WDR62: variants seen among roughly 807,000 people sequenced by gnomAD.
The protein encoded by WDR62 is WD repeat-containing protein 62.
Under a neutral mutation model 160.6 loss-of-function variants are expected in WDR62, and 112 were observed. The ratio of observed to expected loss-of-function variants is 0.70; its 90% confidence interval spans 0.60 to 0.82. The LOEUF is 0.82. Among genes scored for constraint, WDR62 ranks in the 40% least tolerant of loss-of-function variants. The pLI, the probability that WDR62 is intolerant of heterozygous loss-of-function variation, is 0.00. For missense variants in WDR62, 1,819 were observed against 1,983.8 expected (o/e 0.92, Z 1.58); for synonymous variants, 792 against 815.1 (o/e 0.97, Z 0.48).
chr19:36,066,541 G>A, intron 5 of WDR62, 114 bp downstream of exon 5: 1 of 1,198,078 alleles, frequency 8.3e-7, no homozygotes, highest in Non-Finnish European at 1.2e-6. Flanking sequence ...TCACCCAACA[G>A]ATAACAGCTA....
chr19:36,085,414 C>CTTGTTTTTTTTTTTT (rs1972153929), intron 12 of WDR62, among the ~76,000 whole-genome samples: 1 of 70,402 alleles, frequency 1.4e-5, no homozygotes, highest in Non-Finnish European at 2.8e-5. Context: ...CACACCTGAC[C>CTTGTTTTTTTTTTTT]TTTTTTTTTT....
rs534093081 is a variant in WDR62, at chr19:36,077,344, G to T, written c.1233+3813G>T. On this transcript the variant is annotated intron_variant, in intron 9 of 31. Coordinates refer to ENST00000401500, the MANE Select transcript of WDR62 (RefSeq NM_001083961.2). ...CCAGGCTGGAGTGATGCAGTGGCAC[G>T]ATCTCGGCTCACTGCAAGCTCCGCC... Among the ~76,000 whole-genome samples, 7 of 132,288 alleles carry T rather than the reference G, an allele frequency of 5.3e-5. No homozygotes were observed. The Middle Eastern group carries it at 0.018, about 347-fold the overall frequency. 86.8% of individuals were successfully genotyped at this position (132,288 alleles called of 152,430 possible).
In WDR62 at chr19:36,068,005, C is replaced by T. The variant is rs765088220; in HGVS notation, c.877C>T (p.Leu293=). Residue 293 remains leucine (L), a synonymous_variant, in exon 7 of 32, where the codon CTG becomes TTG. Coordinates refer to ENST00000401500, the MANE Select transcript of WDR62 (RefSeq NM_001083961.2). Reference sequence around the variant, plus strand: ...GAGGGTGCTGGAGAAGTGGATCAACCTGAAGGTACCACCTCCCTCTCTGCC... The same window carrying T: ...GAGGGTGCTGGAGAAGTGGATCAACTTGAAGGTACCACCTCCCTCTCTGCC... ...EKRVLEKWIN[L]KVSLSSCLCV... is the part of the protein sequence containing the mutation. The T allele has an allele frequency of 6.2e-6, 10 of 1,613,526 alleles. No homozygotes were observed. The highest frequency in any genetic ancestry group is 1.6e-4 in the Middle Eastern group (1 of 6,062).
intron 9 of WDR62, among the ~76,000 whole-genome samples, chr19:36,079,530 T>C (rs1971771033): frequency 6.6e-6 from 1 of 152,262 alleles, no homozygotes; most frequent in South Asian, 2.1e-4. Context: ...GCAGTTTCTC[T>C]TCAGTGTGGA....
At chr19:36,089,126 T>C in intron 14 of WDR62, 21 bp downstream of exon 14, 1 of 1,596,300 alleles carries the variant, frequency 6.3e-7, no homozygotes, top group Non-Finnish European at 8.6e-7. Flanking sequence ...ATGGCCTCCT[T>C]GGGGGCTGGG....
intron 9 of WDR62, among the ~76,000 whole-genome samples, chr19:36,076,874 A>T (rs1375104734): frequency 6.6e-6 from 1 of 152,080 alleles, no homozygotes; most frequent in Non-Finnish European, 1.5e-5. Flanking sequence ...TATTTACAGG[A>T]TCTGAATATG....
chr19:36,077,753 G>T (rs575471071), intron 9 of WDR62, among the ~76,000 whole-genome samples: 4 of 151,914 alleles, frequency 2.6e-5, no homozygotes, highest in Admixed American at 6.6e-5. Flanking sequence ...ATGCCACCAT[G>T]CCTGATGAAT....
intron 13 of WDR62, 33 bp from the exon 14 acceptor site, chr19:36,089,005 C>T (rs754669638): frequency 6.2e-7 from 1 of 1,612,238 alleles, no homozygotes; most frequent in Non-Finnish European, 8.5e-7. Context: ...TGTGGCCCAG[C>T]CCTGCCTAAC....
At chr19:36,070,593 T>A (rs1283935246) in intron 7 of WDR62, 1 of 152,280 alleles carries the variant, frequency 6.6e-6, no homozygotes, top group Non-Finnish European at 1.5e-5. Context: ...TGGCCTGCCT[T>A]TGTGACTCAC....
At chr19:36,058,685 T>G (rs1357501490) in intron 1 of WDR62, 95 bp from the exon 2 acceptor site, 2 of 903,812 alleles carry the variant, frequency 2.2e-6, no homozygotes. Context: ...AGTGTGGGTG[T>G]TGAATGTAGC....
intron 23 of WDR62, 34 bp from the exon 24 acceptor site, chr19:36,101,180 C>T (rs1407645066): frequency 7.6e-6 from 12 of 1,579,274 alleles, no homozygotes; most frequent in Non-Finnish European, 1.0e-5. Context: ...CAGCTGAAGT[C>T]CTTGTTCCCT....
chr19:36,096,973 T>C (rs1312153243), intron 20 of WDR62, 54 bp from the exon 21 acceptor site: 3 of 1,544,136 alleles, frequency 1.9e-6, no homozygotes, highest in Non-Finnish European at 2.6e-6. Context: ...GTTATGTATG[T>C]GGCCTGTTTG....
chr19:36,085,913 C>T (rs1051511482), intron 12 of WDR62, among the ~76,000 whole-genome samples: 4 of 152,056 alleles, frequency 2.6e-5, no homozygotes, highest in South Asian at 4.1e-4. Flanking sequence ...AAACTCCTGA[C>T]GTCAGGTGAT....
At chr19:36,058,939 C>G in intron 2 of WDR62, 68 bp downstream of exon 2, 1 of 1,291,378 alleles carries the variant, frequency 7.7e-7, no homozygotes. Flanking sequence ...CTGAAGCCAT[C>G]CGTAAATCGC....
intron 12 of WDR62, 58 bp downstream of exon 12, chr19:36,084,802 G>A (rs1192079859): frequency 2.0e-6 from 3 of 1,537,220 alleles, no homozygotes; most frequent in Non-Finnish European, 1.8e-6. Context: ...CCCCTGGCAG[G>A]GCCACAGAAA....
chr19:36,086,450 G>A (rs1019831157), intron 12 of WDR62, among the ~76,000 whole-genome samples: 3 of 152,184 alleles, frequency 2.0e-5, no homozygotes, highest in Non-Finnish European at 4.4e-5. Context: ...TGCGCCCATC[G>A]AGACTCATCC....
chr19:36,073,288 C>T lies in WDR62; in HGVS notation c.1044-54C>T, dbSNP rs1004427258. 10 of 1,514,878 alleles carry T rather than the reference C, an allele frequency of 6.6e-6. No individual in the cohort carries two copies. In the Admixed American group the frequency reaches 1.0e-4, roughly 15 times the overall value. The allele number at this position is 1,514,878 out of a possible 1,614,324, so 93.8% of individuals were successfully genotyped here. The stretch of plus-strand genomic sequence containing the variant: ...GCATCTCCACTGTCACTAGAGGTGG[C>T]TGTCACTACTCAGTGACATTGATGG... On this transcript the variant is annotated intron_variant, in intron 8 of 31. Transcript: ENST00000401500.
At chr19:36,078,151 TG>T (rs1971684804) in intron 9 of WDR62, among the ~76,000 whole-genome samples, 1 of 150,750 alleles carries the variant, frequency 6.6e-6, no homozygotes, top group African/African-American at 2.5e-5. Flanking sequence ...CAAGTTTTTT[TG>T]TTTTTTTTTT....
chr19:36,058,782 G>A lies in WDR62; in HGVS notation c.180G>A (p.Val60=), dbSNP rs61742664. 0.052 allele frequency: 83,808 copies of A among 1,613,680 alleles called. 4,355 individuals carry two copies. Among genetic ancestry groups the A allele is most frequent in the East Asian group, 0.21 (9,438 of 44,854 alleles). ...TGACTTGGGCTTTTTCTTTGCAGGTGTCACTCGAGAAGGTGCTTGGCATCA... is the reference window on the plus strand; with the variant it reads ...TGACTTGGGCTTTTTCTTTGCAGGTATCACTCGAGAAGGTGCTTGGCATCA... ...TASEETVQNR[V]SLEKVLGITA... Residue 60 remains valine (V), a splice_region_variant and synonymous_variant, in exon 2 of 32, where the codon GTG becomes GTA. Transcript: ENST00000401500.
Sources: allele counts gnomAD v4.1 joint callset (sites outside exome capture counted in the v4.1 genomes callset), GRCh38; gene constraint gnomAD v4.1.1; transcripts MANE v1.5; gene names NCBI Gene and HGNC (gene_info 2026-07-23, HGNC 2026-07-21).